The following FOXO1 variants were observed in gnomAD, a reference collection of about 807,000 sequenced individuals.
FOXO1 encodes forkhead box protein O1.
In FOXO1, 6 loss-of-function variants were observed where a neutral mutation model predicts 44.1. The observed-to-expected ratio is 0.14, with a 90% CI of 0.07 to 0.27. FOXO1 has a LOEUF of 0.27. Among genes scored for constraint, FOXO1 ranks in the 10% least tolerant of loss-of-function variants. FOXO1 has a pLI of 1.00. For synonymous variants in FOXO1, 380 were observed against 362.7 expected (o/e 1.05, Z -0.54); for missense variants, 737 against 888.8 (o/e 0.83, Z 2.17).
intron 1 of FOXO1, among the ~76,000 whole-genome samples, chr13:40,617,435 CAAA>C (rs1027111023): frequency 1.0e-5 from 1 of 97,192 alleles, no homozygotes. Context: ...AACTCCGTCT[CAAA>C]AAAAAAAAAA....
chr13:40,619,325 C>T (rs555085238), intron 1 of FOXO1: 1 of 511,796 alleles, frequency 2.0e-6, no homozygotes, highest in Non-Finnish European at 3.5e-6. Context: ...AGAAATGGAA[C>T]AAATTACAGA....
intron 1 of FOXO1, among the ~76,000 whole-genome samples, chr13:40,582,320 G>A (rs934193438): frequency 1.3e-5 from 2 of 152,176 alleles, no homozygotes; most frequent in Admixed American, 1.3e-4. Context: ...TTGCTGGAGG[G>A]CCTTTGCCTC....
At chr13:40,638,546 G>C (rs1173182082) in intron 1 of FOXO1, among the ~76,000 whole-genome samples, 1 of 152,146 alleles carries the variant, frequency 6.6e-6, no homozygotes, top group Non-Finnish European at 1.5e-5. Flanking sequence ...GGGGGCGAGA[G>C]ACTAACTCAC....
intron 1 of FOXO1, among the ~76,000 whole-genome samples, chr13:40,653,817 C>T (rs1297119712): frequency 6.6e-6 from 1 of 152,120 alleles, no homozygotes; most frequent in East Asian, 1.9e-4. Flanking sequence ...AAAGGCAGTA[C>T]TATAACACCT....
At position 40,620,799 on chromosome 13, in the gene FOXO1, C is replaced by CTTTT. The variant is rs111991105; in HGVS notation, c.630+44780_630+44783dup. ...TGGAAAACTACTATTCTTCCCCTTG[C>CTTTT]TTTTTTTTTTTTTTTTTGAGATGGA... On this transcript the variant is annotated intron_variant, in intron 1 of 2. Transcript: ENST00000379561. Among the ~76,000 whole-genome samples, 386 of 121,218 alleles carry CTTTT rather than the reference C, an allele frequency of 3.2e-3. 16 individuals carry two copies. The highest frequency in any genetic ancestry group is 0.019 in the East Asian group (79 of 4,168). The allele number at this position is 121,218 out of a possible 152,430, so 79.5% of individuals were successfully genotyped here.
chr13:40,558,091 C>T lies in FOXO1; in HGVS notation c.*958G>A, dbSNP rs1403770901. ...TCAGAAACATCACTAAGTAGCATCCCAAAGTGTACAAACCAGTTAAGCATG... is the reference window on the plus strand; with the variant it reads ...TCAGAAACATCACTAAGTAGCATCCTAAAGTGTACAAACCAGTTAAGCATG... On this transcript the variant is annotated 3_prime_UTR_variant, in exon 3 of 3. Transcript: ENST00000379561. 6.6e-6 allele frequency: 1 copy of T among 152,590 alleles called. No individual in the cohort carries two copies. The highest frequency in any genetic ancestry group is 1.5e-5 in the Non-Finnish European group (1 of 68,012). 9.5% of individuals were successfully genotyped at this position (152,590 alleles called of 1,614,324 possible). A position where few individuals can be genotyped will look rare whatever the true frequency, so the allele number is the denominator to read the frequency against.
At chr13:40,631,109 C>T (rs1876947777) in intron 1 of FOXO1, among the ~76,000 whole-genome samples, 1 of 152,182 alleles carries the variant, frequency 6.6e-6, no homozygotes, top group South Asian at 2.1e-4. Flanking sequence ...CCAGAGTTCT[C>T]AATCATTCAG....
intron 1 of FOXO1, among the ~76,000 whole-genome samples, chr13:40,648,472 T>C (rs1355137973): frequency 6.6e-6 from 1 of 152,254 alleles, no homozygotes; most frequent in East Asian, 1.9e-4. Context: ...ATATGATTGT[T>C]AGCATTTTCT....
At chr13:40,643,803 ATGCTAT>A (rs143261561) in intron 1 of FOXO1, among the ~76,000 whole-genome samples, 1,862 of 152,280 alleles carry the variant, frequency 0.012, 49 homozygotes, top group African/African-American at 0.042. Flanking sequence ...ATTTTGGCTA[ATGCTAT>A]TGCTGTATAA....
intron 1 of FOXO1, among the ~76,000 whole-genome samples, chr13:40,578,046 A>G (rs1472780982): frequency 1.3e-5 from 2 of 152,198 alleles, no homozygotes; most frequent in African/African-American, 4.8e-5. Flanking sequence ...TGGCACCTTT[A>G]CCACCAACTT....
At chr13:40,654,861 GAA>G (rs1194274486) in intron 1 of FOXO1, among the ~76,000 whole-genome samples, 1 of 152,144 alleles carries the variant, frequency 6.6e-6, no homozygotes, top group Admixed American at 6.5e-5. Flanking sequence ...TATCTTGAAA[GAA>G]ATGATCTACC....
At chr13:40,620,895 T>A (rs989695237) in intron 1 of FOXO1, among the ~76,000 whole-genome samples, 5 of 142,690 alleles carry the variant, frequency 3.5e-5, no homozygotes, top group African/African-American at 1.4e-4. Context: ...GTCTCCCGGG[T>A]TCAAGCTATT....
chr13:40,599,332 T>G (rs1875732920), intron 1 of FOXO1, among the ~76,000 whole-genome samples: 1 of 152,200 alleles, frequency 6.6e-6, no homozygotes, highest in Non-Finnish European at 1.5e-5. Flanking sequence ...GAGATGGGAT[T>G]TCCCCCACAT....
chr13:40,666,352 G>C lies in FOXO1; in HGVS notation c.-140C>G, dbSNP rs1878257172. On this transcript the variant is annotated 5_prime_UTR_variant, in exon 1 of 3. Coordinates refer to ENST00000379561, the MANE Select transcript of FOXO1 (RefSeq NM_002015.4). The stretch of plus-strand genomic sequence containing the variant: ...CGGTGCGGCGAGCGGACGGAAACTG[G>C]GAGGAAGGCGCGGCGGAGTGGAAGC... The C allele has an allele frequency of 4.8e-6, 3 of 629,956 alleles. No individual in the cohort carries two copies. Among genetic ancestry groups the C allele is most frequent in the Non-Finnish European group, 7.3e-6 (3 of 412,278 alleles). The allele number at this position is 629,956 out of a possible 1,614,324, so 39.0% of individuals were successfully genotyped here. A position where few individuals can be genotyped will look rare whatever the true frequency, so the allele number is the denominator to read the frequency against.
At chr13:40,602,716 C>T (rs893503040) in intron 1 of FOXO1, among the ~76,000 whole-genome samples, 3 of 152,098 alleles carry the variant, frequency 2.0e-5, no homozygotes, top group Admixed American at 6.5e-5. Flanking sequence ...TTTACAAAAC[C>T]CTGATACAGC....
intron 1 of FOXO1, among the ~76,000 whole-genome samples, chr13:40,629,224 C>G (rs1199530051): frequency 6.6e-6 from 1 of 151,910 alleles, no homozygotes; most frequent in Non-Finnish European, 1.5e-5. Context: ...CCCACTGCAA[C>G]CTCCGCCTCC....
chr13:40,560,306 A>C lies in FOXO1; in HGVS notation c.1185T>G (p.Pro395=). The part of the protein sequence containing the change: ...TSLTVSTQSS[P]GTMMQQTPCY... ...ACGGCGTCTGCTGCATCATGGTGCC[A>C]GGTGAGGACTGGGTCGAAACAGTTA... The change falls in exon 2 of 3, where the codon CCT becomes CCG. Residue 395 remains proline (P), a synonymous_variant. Coordinates refer to ENST00000379561, the MANE Select transcript of FOXO1 (RefSeq NM_002015.4). The surrounding 1 kb of genome is among the most constrained non-coding windows in gnomAD (Gnocchi z 5.1). The C allele has an allele frequency of 6.2e-7, 1 of 1,614,200 alleles. No homozygotes were observed. Among genetic ancestry groups the C allele is most frequent in the Non-Finnish European group, 8.5e-7 (1 of 1,180,030 alleles).
intron 1 of FOXO1, among the ~76,000 whole-genome samples, chr13:40,570,478 G>A (rs1006533197): frequency 6.6e-6 from 1 of 152,122 alleles, no homozygotes; most frequent in Admixed American, 6.5e-5. Flanking sequence ...AAGACCGGGG[G>A]CAGAAAGCTT....
At chr13:40,605,977 G>A (rs1312221731) in intron 1 of FOXO1, among the ~76,000 whole-genome samples, 1 of 151,612 alleles carries the variant, frequency 6.6e-6, no homozygotes. Context: ...CAACTAATCT[G>A]GGATGACAAA....
Sources: gnomAD v4.1 joint callset for allele counts (sites outside exome capture counted in the v4.1 genomes callset) on GRCh38, gnomAD v4.1.1 for gene constraint, Gnocchi (gnomAD v3.1) non-coding constraint, MANE v1.5 for transcripts, NCBI Gene and HGNC (gene_info 2026-07-23, HGNC 2026-07-21) for gene names.